The following NOS3 variants were observed in gnomAD, a reference collection of about 807,000 sequenced individuals.
NOS3 encodes NOS type III.
A neutral mutation model predicts 144.9 loss-of-function variants in NOS3; 98 were observed. That is an observed-to-expected ratio of 0.68 (90% CI 0.57 to 0.80). NOS3 has a LOEUF of 0.80. NOS3 is among the 30% of genes least tolerant of loss of function. The probability of loss-of-function intolerance (pLI) is 0.00; values close to 1 mark genes in which losing one functional copy is unlikely to be tolerated. For missense variants in NOS3, 1,465 were observed against 1,656.4 expected, an observed-to-expected ratio of 0.88 and a Z score of 2.01; for synonymous variants, 714 against 702.4, an observed-to-expected ratio of 1.02 and a Z score of -0.26.
chr7:150,996,577 C>A, intron 4 of NOS3, 25 bp downstream of exon 4: 2 of 1,572,508 alleles, frequency 1.3e-6, no homozygotes, highest in Non-Finnish European at 1.7e-6. Flanking sequence ...GACGCCACAG[C>A]CTCCCTTGTC....
rs1795144258 is a variant in NOS3 at position 151,003,092 on chromosome 7, G to C, written c.1752+788G>C. On this transcript the variant is annotated intron_variant, in intron 14 of 26. Transcript: ENST00000297494. The surrounding 1 kb of genome is among the most constrained non-coding windows in gnomAD (Gnocchi z 4.1). ...CCTGCTCCAGCTTCTAGGTGTTAAAGGCCTTATTAGCACTAAGTACTTCCT... is the reference window on the plus strand; with the variant it reads ...CCTGCTCCAGCTTCTAGGTGTTAAACGCCTTATTAGCACTAAGTACTTCCT... The C allele has an allele frequency of 4.7e-6, 2 of 428,994 alleles. No homozygotes were observed. Among genetic ancestry groups the C allele is most frequent in the Non-Finnish European group, 9.2e-6 (2 of 216,484 alleles). 26.6% of individuals were successfully genotyped at this position (428,994 alleles called of 1,614,324 possible).
In NOS3 at chr7:151,010,122, T is replaced by C; in HGVS notation, c.2520T>C (p.Pro840=). 2.5e-6 allele frequency: 4 copies of C among 1,591,308 alleles called. No homozygotes were observed. Among genetic ancestry groups the C allele is most frequent in the Non-Finnish European group, 3.4e-6 (4 of 1,164,062 alleles). The change falls in exon 21 of 27, where the codon CCT becomes CCC. Residue 840 remains proline, a synonymous_variant. Transcript: ENST00000297494. ...CCTGTGCACTATCCCCAGGTGGCCCTCCCCCCGGCTGGGTGCGGGACCCCC... is the reference window on the plus strand; with the variant it reads ...CCTGTGCACTATCCCCAGGTGGCCCCCCCCCCGGCTGGGTGCGGGACCCCC... ...EQLEKGSPGG[P]PPGWVRDPRL...
chr7:151,011,049 AGTGTCACTGGTGAGGG>A (rs1795294630), intron 23 of NOS3, 63 bp downstream of exon 23: 1 of 1,155,612 alleles, frequency 8.7e-7, no homozygotes, highest in Non-Finnish European at 1.3e-6. Flanking sequence ...TTTGGTGAGG[AGTGTCACTGGTGAGGG>A]GTGTCACTGG....
chr7:151,008,786 G>A (rs1795244233), intron 17 of NOS3, 144 bp from the exon 18 acceptor site: 2 of 936,126 alleles, frequency 2.1e-6, no homozygotes, highest in Non-Finnish European at 3.0e-6. Context: ...TGGGCTGGCG[G>A]AAAAGGTGCT....
Position 151,014,309 on chromosome 7 carries a change from T to C in NOS3, c.*140T>C, listed in dbSNP as rs1795392149. On this transcript the variant is annotated 3_prime_UTR_variant, in exon 27 of 27. Transcript: ENST00000297494. ...CAGAGGCTGCAAGGATTCAGCATTA[T>C]TCCTCCAGGAAGGAGCAAAACGCCT... The C allele has an allele frequency of 2.1e-6, 2 of 930,666 alleles. No individual in the cohort carries two copies. The highest frequency in any genetic ancestry group is 1.6e-6 in the Non-Finnish European group (1 of 638,704). The allele number at this position is 930,666 out of a possible 1,614,324, so 57.7% of individuals were successfully genotyped here. A position where few individuals can be genotyped will look rare whatever the true frequency, so the allele number is the denominator to read the frequency against.
Position 151,010,659 on chromosome 7 carries a change from G to C in NOS3, c.2748G>C (p.Glu916Asp). 1 of 1,607,970 alleles carries C rather than the reference G, an allele frequency of 6.2e-7. No individual in the cohort carries two copies. The highest frequency in any genetic ancestry group is 8.5e-7 in the Non-Finnish European group (1 of 1,177,570). Reference sequence around the variant, plus strand: ...GCCCCACGCTGCTGGAGGTGCTGGAGCAGTTCCCGTCGGTGGCGCTGCCTG... The same window carrying C: ...GCCCCACGCTGCTGGAGGTGCTGGACCAGTTCCCGTCGGTGGCGCTGCCTG... ...FRCPTLLEVL[E>D]QFPSVALPAP... Residue 916 changes from glutamate to aspartate, a missense_variant, in exon 22 of 27, where the codon GAG (glutamate) becomes GAC (aspartate). Physicochemically the swap from Glu to Asp is conservative, Grantham distance 45. Around this residue, in one of 5 missense-constraint regions of NOS3, gnomAD observed 745 missense variants for 853.9 expected, o/e 0.87. Transcript: ENST00000297494.
intron 1 of NOS3, among the ~76,000 whole-genome samples, chr7:150,991,759 G>A (rs960307142): frequency 4.6e-5 from 7 of 152,198 alleles, no homozygotes; most frequent in African/African-American, 7.2e-5. Context: ...CCATTGGGAG[G>A]TCGAGGCAGG....
chr7:150,996,712 C>T, intron 4 of NOS3, 51 bp from the exon 5 acceptor site: 1 of 1,586,914 alleles, frequency 6.3e-7, no homozygotes. Flanking sequence ...GAGGGCCTCC[C>T]TGTCCCACAC....
At chr7:151,011,465 G>T (rs1795302787) in intron 23 of NOS3, among the ~76,000 whole-genome samples, 1 of 144,994 alleles carries the variant, frequency 6.9e-6, no homozygotes, top group Non-Finnish European at 1.5e-5. Flanking sequence ...AGGCTGGAGT[G>T]CAGTGGTACG....
intron 2 of NOS3, 101 bp from the exon 3 acceptor site, chr7:150,995,102 T>C: frequency 1.6e-6 from 1 of 623,922 alleles, no homozygotes; most frequent in South Asian, 2.1e-5. Context: ...GCAGGTGGGC[T>C]GTGAGATCGC....
At position 151,002,505 on chromosome 7, in the gene NOS3, A is replaced by G. The variant is rs1052855167; in HGVS notation, c.1752+201A>G. Among the ~76,000 whole-genome samples, 1 of 151,538 alleles carries G rather than the reference A, an allele frequency of 6.6e-6. No homozygotes were observed. The highest frequency in any genetic ancestry group is 1.5e-5 in the Non-Finnish European group (1 of 67,916). On this transcript the variant is annotated intron_variant, in intron 14 of 26. Transcript: ENST00000297494. The surrounding 1 kb of genome is among the most constrained non-coding windows in gnomAD (Gnocchi z 4.1). ...AGACCCCTGGAGCCTGAAACCCCAC[A>G]CAAGCTACGCTCCCAGCCCACCCAT...
At chr7:151,009,890 A>G (rs1484017971) in intron 20 of NOS3, among the ~76,000 whole-genome samples, 1 of 152,154 alleles carries the variant, frequency 6.6e-6, no homozygotes, top group Non-Finnish European at 1.5e-5. Context: ...TGCCACATCA[A>G]TGCCTGGGCT....
chr7:151,004,214 A>G (rs1316324942), intron 14 of NOS3, among the ~76,000 whole-genome samples: 1 of 152,128 alleles, frequency 6.6e-6, no homozygotes, highest in Non-Finnish European at 1.5e-5. Context: ...GCGCACGCCT[A>G]TAGTCCTAGC....
At chr7:150,999,733 CTG>C (rs1352848620) in intron 9 of NOS3, among the ~76,000 whole-genome samples, 2 of 105,684 alleles carry the variant, frequency 1.9e-5, no homozygotes, top group South Asian at 3.4e-4. Flanking sequence ...GACTGTGAGA[CTG>C]TGGGTTTGTG....
chr7:151,009,373 T>G (rs756933128), intron 19 of NOS3, 25 bp from the exon 20 acceptor site: 1 of 560,248 alleles, frequency 1.8e-6, no homozygotes, highest in Non-Finnish European at 2.8e-6. Flanking sequence ...TGACTCCCCA[T>G]AAGTGCCCCT....
chr7:150,999,400 C>T, intron 9 of NOS3, 36 bp downstream of exon 9: 1 of 1,531,408 alleles, frequency 6.5e-7, no homozygotes, highest in East Asian at 2.3e-5. Context: ...ACCGAATGCA[C>T]CTGTCCAAGG....
chr7:151,005,594 C>T (rs570769413), intron 14 of NOS3, among the ~76,000 whole-genome samples: 30 of 152,290 alleles, frequency 2.0e-4, no homozygotes, highest in Admixed American at 9.2e-4. Context: ...GCTGCGAGGA[C>T]GATCTGCCTG....
rs1221724980 is a variant in NOS3 at position 150,999,048 on chromosome 7, C to G, written c.919C>G (p.Pro307Ala). The part of the protein sequence containing the change: ...DDPPELFLLP[P>A]ELVLEVPLEH... ...TCCCCCAGAACTCTTCCTTCTGCCC[C>G]CCGAGCTGGTCCTTGAGGTGCCCCT... is the stretch of plus-strand genomic sequence containing the variant. The change falls in exon 8 of 27, where the codon CCC (proline) becomes GCC (alanine). Residue 307 changes from proline to alanine, a missense_variant. Physicochemically the swap from Pro to Ala is conservative, Grantham distance 27 (BLOSUM62 -1). Transcript: ENST00000297494. The G allele has an allele frequency of 4.3e-6, 7 of 1,612,504 alleles. No individual in the cohort carries two copies. The highest frequency in any genetic ancestry group is 1.6e-4 in the Middle Eastern group (1 of 6,082).
intron 23 of NOS3, 22 bp from the exon 24 acceptor site, chr7:151,012,329 G>C: frequency 6.5e-7 from 1 of 1,545,090 alleles, no homozygotes; most frequent in Non-Finnish European, 8.8e-7. Flanking sequence ...AAGGGGACCT[G>C]ATGGAGTGTC....
Sources: gnomAD v4.1 joint callset for allele counts (sites outside exome capture counted in the v4.1 genomes callset) on GRCh38, gnomAD v4.1.1 for gene constraint, gnomAD v4.1.1 regional missense constraint, Gnocchi (gnomAD v3.1) non-coding constraint, MANE v1.5 for transcripts, NCBI Gene and HGNC (gene_info 2026-07-23, HGNC 2026-07-21) for gene names.